The following ALPK1 variants were observed in gnomAD, a reference collection of about 807,000 sequenced individuals.
ALPK1 encodes alpha-protein kinase 1.
In ALPK1, 110 loss-of-function variants were observed where a neutral mutation model predicts 120.6. That is an observed-to-expected ratio of 0.91 (90% CI 0.78 to 1.07). The LOEUF is 1.07. ALPK1 is among the 50% of genes least tolerant of loss of function. The pLI is 0.00. For synonymous variants in ALPK1, 582 were observed against 560.3 expected, an observed-to-expected ratio of 1.04 and a Z score of -0.55; for missense variants, 1,498 against 1,483.9, an observed-to-expected ratio of 1.01 and a Z score of -0.16.
At position 112,439,748 on chromosome 4, in the gene ALPK1, T is replaced by C; in HGVS notation, c.3414T>C (p.Phe1138=). The change falls in exon 14 of 16, where the codon TTT becomes TTC. Residue 1138 remains phenylalanine (F), a synonymous_variant. Transcript: ENST00000650871. ...TGGAGCCTTACATACTGGGAGAATT[T>C]GTAAAATTGTCAAATAACACGAAAG... ...ISVEPYILGE[F]VKLSNNTKVV... 6.2e-7 allele frequency: 1 copy of C among 1,613,696 alleles called. No homozygotes were observed.
At chr4:112,305,576 CT>C (rs1728009223) in intron 1 of ALPK1, among the ~76,000 whole-genome samples, 1 of 152,080 alleles carries the variant, frequency 6.6e-6, no homozygotes, top group Non-Finnish European at 1.5e-5. Flanking sequence ...TATAAGAATG[CT>C]TGTGATTTTT....
At chr4:112,407,896 AG>A (rs1252641084) in intron 4 of ALPK1, among the ~76,000 whole-genome samples, 2 of 152,336 alleles carry the variant, frequency 1.3e-5, no homozygotes, top group Admixed American at 1.3e-4. Flanking sequence ...TTACGAGGTC[AG>A]GAGTTTGAGA....
chr4:112,359,509 C>G (rs1408332679), intron 2 of ALPK1: 2 of 262,240 alleles, frequency 7.6e-6, no homozygotes, highest in Admixed American at 4.9e-5. Context: ...CAGCCCAACC[C>G]AGGCATGGAG....
intron 2 of ALPK1, 101 bp from the exon 3 acceptor site, chr4:112,377,577 T>C (rs1036167850): frequency 2.3e-5 from 10 of 438,490 alleles, no homozygotes; most frequent in Non-Finnish European, 3.7e-5. Flanking sequence ...GGGGCTGTCA[T>C]GTATTTTCCT....
chr4:112,430,609 T>C lies in ALPK1; in HGVS notation c.1062T>C (p.Phe354=). 6.2e-7 allele frequency: 1 copy of C among 1,614,096 alleles called. No homozygotes were observed. The highest frequency in any genetic ancestry group is 8.5e-7 in the Non-Finnish European group (1 of 1,180,000). Residue 354 remains phenylalanine (F), a synonymous_variant, in exon 11 of 16, where the codon TTT becomes TTC. Coordinates refer to ENST00000650871, the MANE Select transcript of ALPK1 (RefSeq NM_025144.4). The part of the protein sequence containing the change: ...PVTGKQELHS[F]VKAAFGLTTV... ...CTGGAAAACAGGAGCTTCACAGCTT[T>C]GTCAAAGCTGCTTTCGGTCTCACCA...
At chr4:112,357,964 C>T (rs1023545465) in intron 2 of ALPK1, 98 of 743,812 alleles carry the variant, frequency 1.3e-4, no homozygotes, top group Non-Finnish European at 8.4e-5. Flanking sequence ...CGGGGTCTAC[C>T]GGCGCCACCT....
intron 7 of ALPK1, 152 bp downstream of exon 7, chr4:112,425,903 C>G: frequency 1.8e-6 from 1 of 549,524 alleles, no homozygotes; most frequent in South Asian, 2.4e-5. Flanking sequence ...CATTTAAGAT[C>G]CTAGGAGTGT....
intron 2 of ALPK1, among the ~76,000 whole-genome samples, chr4:112,370,635 C>A (rs536898329): frequency 3.6e-4 from 55 of 152,318 alleles, no homozygotes; most frequent in African/African-American, 1.2e-3. Flanking sequence ...AGTTCCTGGG[C>A]TCCAGCCTCT....
chr4:112,432,529 G>C lies in ALPK1; in HGVS notation c.2982G>C (p.Gln994His). Reference sequence around the variant, plus strand: ...GAGTGAGGCATGATTGGCTGTTTCAGAGACTAGAGAATACGGGGGTTTTTA... The same window carrying C: ...GAGTGAGGCATGATTGGCTGTTTCACAGACTAGAGAATACGGGGGTTTTTA... The part of the protein sequence containing the change: ...LAGVRHDWLF[Q>H]RLENTGVFKP... Residue 994 changes from glutamine to histidine, a missense_variant, in exon 11 of 16, where the codon CAG (glutamine) becomes CAC (histidine). Physicochemically the swap from Gln to His is conservative, Grantham distance 24. Transcript: ENST00000650871. 1 of 1,614,124 alleles carries C rather than the reference G, an allele frequency of 6.2e-7. No individual in the cohort carries two copies. Among genetic ancestry groups the C allele is most frequent in the South Asian group, 1.1e-5 (1 of 91,082 alleles).
chr4:112,382,345 C>A, intron 3 of ALPK1, 53 bp from the exon 4 acceptor site: 2 of 1,351,376 alleles, frequency 1.5e-6, no homozygotes, highest in Non-Finnish European at 1.0e-6. Context: ...ATTGGTAGCT[C>A]AACAGCCTTT....
rs149715169 is a variant in ALPK1 at position 112,430,539 on chromosome 4, C to A, written c.992C>A (p.Ala331Asp). The A allele has an allele frequency of 6.2e-7, 1 of 1,614,132 alleles. No individual in the cohort carries two copies. The highest frequency in any genetic ancestry group is 1.1e-5 in the South Asian group (1 of 91,080). ...KNLHLCEAKE[A>D]FEIGLLTKRD... ...TTACATCTGTGTGAAGCCAAAGAGGCCTTTGAGATTGGCCTCCTCACCAAG... is the reference window on the plus strand; with the variant it reads ...TTACATCTGTGTGAAGCCAAAGAGGACTTTGAGATTGGCCTCCTCACCAAG... Residue 331 changes from alanine (A) to aspartate (D), a missense_variant, in exon 11 of 16, where the codon GCC (alanine) becomes GAC (aspartate). By Grantham distance (126) the Ala-to-Asp change is moderately radical. Transcript: ENST00000650871.
chr4:112,347,790 G>A (rs1439933426), intron 2 of ALPK1, among the ~76,000 whole-genome samples: 1 of 152,178 alleles, frequency 6.6e-6, no homozygotes, highest in Non-Finnish European at 1.5e-5. Context: ...TGAAAGCCAA[G>A]CTTTAAGGAA....
intron 2 of ALPK1, among the ~76,000 whole-genome samples, chr4:112,326,937 C>T (rs893379429): frequency 4.6e-5 from 7 of 152,132 alleles, no homozygotes; most frequent in African/African-American, 1.7e-4. Context: ...GCTGGACTAA[C>T]GTGGTGGTGC....
At chr4:112,331,836 A>G (rs1215113958) in intron 2 of ALPK1, among the ~76,000 whole-genome samples, 1 of 152,172 alleles carries the variant, frequency 6.6e-6, no homozygotes, top group Non-Finnish European at 1.5e-5. Context: ...GATTATGGAG[A>G]GCTGCTGTGC....
chr4:112,365,847 A>G (rs1215442569), intron 2 of ALPK1, among the ~76,000 whole-genome samples: 1 of 152,230 alleles, frequency 6.6e-6, no homozygotes, highest in Non-Finnish European at 1.5e-5. Context: ...TGGTACTGGT[A>G]TAAAAATAGG....
intron 1 of ALPK1, among the ~76,000 whole-genome samples, chr4:112,306,696 AC>A (rs1316295939): frequency 6.6e-6 from 1 of 151,866 alleles, no homozygotes; most frequent in Non-Finnish European, 1.5e-5. Flanking sequence ...TTTTCAAAAA[AC>A]CAGCTCCTGG....
At chr4:112,311,850 G>A (rs183317154) in intron 1 of ALPK1, among the ~76,000 whole-genome samples, 40 of 152,336 alleles carry the variant, frequency 2.6e-4, no homozygotes, top group Non-Finnish European at 4.6e-4. Flanking sequence ...AGGCAGAGTG[G>A]TGAGGATGTC....
chr4:112,399,225 G>C (rs1468141418), intron 4 of ALPK1, among the ~76,000 whole-genome samples: 1 of 152,170 alleles, frequency 6.6e-6, no homozygotes, highest in Non-Finnish European at 1.5e-5. Flanking sequence ...TCAGAGTTTG[G>C]GAAAGAAGCA....
intron 2 of ALPK1, chr4:112,352,956 C>G (rs1317839220): frequency 7.9e-6 from 1 of 125,920 alleles, no homozygotes; most frequent in Non-Finnish European, 1.6e-5. Context: ...TTTCTTCTTC[C>G]TTTCCTTTCC....
Sources: allele counts gnomAD v4.1 joint callset (sites outside exome capture counted in the v4.1 genomes callset), GRCh38; gene constraint gnomAD v4.1.1; transcripts MANE v1.5; gene names NCBI Gene and HGNC (gene_info 2026-07-23, HGNC 2026-07-21).